PAH: variants seen among roughly 807,000 people sequenced by gnomAD.
PAH encodes phenylalanine-4-hydroxylase.
Under a neutral mutation model 62.0 loss-of-function variants are expected in PAH, and 64 were observed. The observed-to-expected ratio is 1.03, with a 90% CI of 0.84 to 1.27. The LOEUF (loss-of-function observed/expected upper bound fraction) is 1.27, where lower values mean the gene tolerates loss of function less well. Ranked by LOEUF, PAH falls within the 50% of genes most tolerant of loss-of-function variation. The pLI, the probability that PAH is intolerant of heterozygous loss-of-function variation, is 0.00. For synonymous variants in PAH, 195 were observed against 196.2 expected (o/e 0.99, Z 0.05); for missense variants, 579 against 542.8 (o/e 1.07, Z -0.66).
rs1403823473 is a variant in PAH at position 102,844,342 on chromosome 12, T to C, written c.1059A>G (p.Glu353=). 3 of 1,609,662 alleles carry C rather than the reference T, an allele frequency of 1.9e-6. No individual in the cohort carries two copies. The highest frequency in any genetic ancestry group is 1.7e-5 in the Admixed American group (1 of 59,972). Residue 353 remains glutamate, a synonymous_variant, in exon 10 of 13, where the codon GAA becomes GAG. Transcript: ENST00000553106. Reference sequence around the variant, plus strand: ...GTTCCTGTGAAGGTCATACCTGTAATTCACCAAAGGATGACAGGAGCCCAG... The same window carrying C: ...GTTCCTGTGAAGGTCATACCTGTAACTCACCAAAGGATGACAGGAGCCCAG... ...YGAGLLSSFG[E]LQYCLSEKPK...
intron 9 of PAH, among the ~76,000 whole-genome samples, chr12:102,844,915 G>A (rs992592422): frequency 6.6e-6 from 1 of 152,122 alleles, no homozygotes; most frequent in South Asian, 2.1e-4. Context: ...CAGCTTGCAG[G>A]CAGCATATCG....
chr12:102,933,733 T>A (rs1056910545), intron 1 of PAH, among the ~76,000 whole-genome samples: 2 of 152,152 alleles, frequency 1.3e-5, no homozygotes, highest in Admixed American at 6.5e-5. Flanking sequence ...TGTTTTCCAT[T>A]TATATGTTTT....
intron 2 of PAH, among the ~76,000 whole-genome samples, chr12:102,898,068 A>G (rs1592980963): frequency 6.6e-6 from 1 of 152,234 alleles, no homozygotes; most frequent in East Asian, 1.9e-4. Flanking sequence ...CCCAACACAA[A>G]GATTTCAACC....
Position 102,957,005 on chromosome 12 carries a change from AC to A in PAH, c.-96+1189del, listed in dbSNP as rs1879936854. Among the ~76,000 whole-genome samples, 1 of 152,062 alleles carries A rather than the reference AC, an allele frequency of 6.6e-6. No individual in the cohort carries two copies. The highest frequency in any genetic ancestry group is 2.1e-4 in the South Asian group (1 of 4,820). Reference sequence around the variant, plus strand: ...ATTGAGAGGACGCCTTGGGACTAGAACCCACGTTTTCACATAGTCCAGCACT... The same window carrying A: ...ATTGAGAGGACGCCTTGGGACTAGAACCACGTTTTCACATAGTCCAGCACT... On this transcript the variant is annotated intron_variant, in intron 1 of 4. Transcript: ENST00000551337. The surrounding 1 kb of genome is among the most constrained non-coding windows in gnomAD (Gnocchi z 4.1).
At position 102,957,006 on chromosome 12, in the gene PAH, C is replaced by T. The variant is rs920074092; in HGVS notation, c.-96+1189G>A. On this transcript the variant is annotated intron_variant, in intron 1 of 4. Transcript: ENST00000551337. The surrounding 1 kb of genome is among the most constrained non-coding windows in gnomAD (Gnocchi z 4.1). ...TTGAGAGGACGCCTTGGGACTAGAA[C>T]CCACGTTTTCACATAGTCCAGCACT... is the stretch of plus-strand genomic sequence containing the variant. 3.9e-5 allele frequency among the ~76,000 whole-genome samples: 6 copies of T among 152,168 alleles called. No homozygotes were observed. The highest frequency in any genetic ancestry group is 8.8e-5 in the Non-Finnish European group (6 of 68,028).
At chr12:102,896,912 C>T (rs894649259) in intron 2 of PAH, among the ~76,000 whole-genome samples, 8 of 152,148 alleles carry the variant, frequency 5.3e-5, no homozygotes, top group African/African-American at 1.9e-4. Flanking sequence ...ATTAGCCATT[C>T]GTACCCTCAT....
At chr12:102,843,928 C>T in intron 10 of PAH, 149 bp from the exon 11 acceptor site, 1 of 850,984 alleles carries the variant, frequency 1.2e-6, no homozygotes, top group Non-Finnish European at 1.9e-6. Context: ...AATTACTTTG[C>T]ACATACTAGG....
At chr12:102,894,188 T>A (rs1877394645) in intron 3 of PAH, among the ~76,000 whole-genome samples, 1 of 152,164 alleles carries the variant, frequency 6.6e-6, no homozygotes, top group Non-Finnish European at 1.5e-5. Context: ...CCAGCAGTAT[T>A]TATTGACTAG....
At chr12:102,870,052 G>A (rs997836729) in intron 4 of PAH, among the ~76,000 whole-genome samples, 6 of 152,084 alleles carry the variant, frequency 3.9e-5, no homozygotes, top group African/African-American at 1.4e-4. Flanking sequence ...GGAGGGGAGG[G>A]GATAGAAGAC....
At chr12:102,881,174 C>T (rs12829846) in intron 3 of PAH, among the ~76,000 whole-genome samples, 28,972 of 150,810 alleles carry the variant, frequency 0.19, 3,197 homozygotes, top group Admixed American at 0.35. Flanking sequence ...CCACCACACT[C>T]GGCTAATTTT....
intron 3 of PAH, among the ~76,000 whole-genome samples, chr12:102,883,197 C>A (rs906079808): frequency 7.9e-5 from 12 of 152,208 alleles, no homozygotes; most frequent in African/African-American, 2.9e-4. Flanking sequence ...CTTGAAAAGT[C>A]AGCTCCACTT....
intron 1 of PAH, among the ~76,000 whole-genome samples, chr12:102,928,759 T>A (rs1878758601): frequency 6.6e-6 from 1 of 152,126 alleles, no homozygotes; most frequent in Non-Finnish European, 1.5e-5. Context: ...TGTGTCTGTC[T>A]CACCAGGGAA....
chr12:102,857,016 G>A (rs1266701301), intron 5 of PAH, among the ~76,000 whole-genome samples: 2 of 152,136 alleles, frequency 1.3e-5, no homozygotes, highest in African/African-American at 2.4e-5. Context: ...GGCTTCAGAC[G>A]ATAAAACTTC....
chr12:102,839,791 T>C (rs1874507938), intron 12 of PAH, among the ~76,000 whole-genome samples: 1 of 152,226 alleles, frequency 6.6e-6, no homozygotes, highest in South Asian at 2.1e-4. Context: ...ATTTATGCTA[T>C]GTCTTCACAT....
chr12:102,952,744 C>CT (rs1468681374), upstream of PAH, among the ~76,000 whole-genome samples: 4 of 152,114 alleles, frequency 2.6e-5, no homozygotes, highest in African/African-American at 7.2e-5. Flanking sequence ...ATAGTTTGTG[C>CT]TTTTTTTGTT....
upstream of PAH, chr12:102,917,440 G>A: frequency 2.4e-6 from 1 of 423,524 alleles, no homozygotes; most frequent in South Asian, 2.1e-5. Flanking sequence ...GTAAAGGGAA[G>A]AAGCCAGGGA....
chr12:102,944,813 A>G (rs756484636), intron 1 of PAH, among the ~76,000 whole-genome samples: 1 of 152,304 alleles, frequency 6.6e-6, no homozygotes, highest in Non-Finnish European at 1.5e-5. Context: ...ATACTTGACC[A>G]TCTAGTTCAT....
chr12:102,875,442 T>G (rs1489696243), intron 4 of PAH, among the ~76,000 whole-genome samples: 1 of 152,212 alleles, frequency 6.6e-6, no homozygotes, highest in African/African-American at 2.4e-5. Flanking sequence ...AACGCCCTGC[T>G]GGGCAGACCC....
In PAH at chr12:102,839,170, T is replaced by C; in HGVS notation, c.*5A>G. ...CAGCTGACAGACCACATTCTGTCCA[T>C]GGCTTTACTTTATTTTCTGGAGGGC... On this transcript the variant is annotated 3_prime_UTR_variant, in exon 13 of 13. Coordinates refer to ENST00000553106, the MANE Select transcript of PAH (RefSeq NM_000277.3). The C allele has an allele frequency of 2.5e-6, 4 of 1,613,318 alleles. No individual in the cohort carries two copies. The highest frequency in any genetic ancestry group is 3.4e-6 in the Non-Finnish European group (4 of 1,179,278).
Sources: gnomAD v4.1 joint callset for allele counts (sites outside exome capture counted in the v4.1 genomes callset) on GRCh38, gnomAD v4.1.1 for gene constraint, Gnocchi (gnomAD v3.1) non-coding constraint, MANE v1.5 for transcripts, NCBI Gene and HGNC (gene_info 2026-07-23, HGNC 2026-07-21) for gene names.